The following ADCY2 variants were observed in gnomAD, a reference collection of about 807,000 sequenced individuals.
ADCY2 encodes adenylate cyclase 2.
Under a neutral mutation model 125.2 loss-of-function variants are expected in ADCY2, and 31 were observed. The observed-to-expected ratio is 0.25, with a 90% confidence interval of 0.19 to 0.33. ADCY2 has a LOEUF of 0.33. Among genes scored for constraint, ADCY2 ranks in the 10% least tolerant of loss-of-function variants. ADCY2 has a pLI of 1.00. For synonymous variants in ADCY2, 512 were observed against 548.4 expected (o/e 0.93, Z 0.93); for missense variants, 904 against 1,418.2 (o/e 0.64, Z 5.82).
chr5:7,421,744 C>A (rs1740213663), intron 2 of ADCY2, among the ~76,000 whole-genome samples: 1 of 152,156 alleles, frequency 6.6e-6, no homozygotes, highest in Admixed American at 6.5e-5. Flanking sequence ...GGAAATTGCT[C>A]TTGATGTTGA....
In ADCY2 at chr5:7,396,469, G is replaced by A; in HGVS notation, c.173G>A (p.Cys58Tyr). The A allele has an allele frequency of 6.4e-7, 1 of 1,571,426 alleles. No homozygotes were observed. The highest frequency in any genetic ancestry group is 8.6e-7 in the Non-Finnish European group (1 of 1,159,430). ...CTGCTGCTCATCGTCATGGGCTCCT[G>A]CCTCGCCCTGCTCGCCGTCTTCTTC... ...VFLLLIVMGS[C>Y]LALLAVFFAL... Residue 58 changes from cysteine to tyrosine, a missense_variant, in exon 1 of 25, where the codon TGC becomes TAC. By Grantham distance (194) the Cys-to-Tyr change is radical. This residue lies in a region of ADCY2 where 113 missense variants were observed against 108.0 expected (regional missense o/e 1.05). Coordinates refer to ENST00000338316, the MANE Select transcript of ADCY2 (RefSeq NM_020546.3). The surrounding 1 kb of genome is among the most constrained non-coding windows in gnomAD (Gnocchi z 5.7).
At chr5:7,688,011 T>C (rs1740574617) in intron 4 of ADCY2, among the ~76,000 whole-genome samples, 1 of 151,566 alleles carries the variant, frequency 6.6e-6, no homozygotes, top group Non-Finnish European at 1.5e-5. Flanking sequence ...CAAGCCAATC[T>C]TAAGACATCT....
At chr5:7,666,610 C>T (rs1423701911) in intron 4 of ADCY2, among the ~76,000 whole-genome samples, 2 of 152,160 alleles carry the variant, frequency 1.3e-5, no homozygotes, top group African/African-American at 4.8e-5. Context: ...TACTGAGATT[C>T]CCATACGTAA....
chr5:7,523,347 A>G (rs942576730), intron 3 of ADCY2, among the ~76,000 whole-genome samples: 3 of 151,866 alleles, frequency 2.0e-5, no homozygotes, highest in Admixed American at 6.6e-5. Context: ...GAAAGATGGA[A>G]TCTTAAATTT....
chr5:7,694,269 CT>C (rs1330783273), intron 5 of ADCY2, among the ~76,000 whole-genome samples: 2 of 152,188 alleles, frequency 1.3e-5, no homozygotes. Context: ...CTTTTTTTTA[CT>C]GTTGTAAAAT....
intron 2 of ADCY2, among the ~76,000 whole-genome samples, chr5:7,418,517 T>A (rs10061752): frequency 6.6e-6 from 1 of 151,848 alleles, no homozygotes; most frequent in African/African-American, 2.4e-5. Flanking sequence ...GACCGGCTCA[T>A]ACCCCTTGGA....
chr5:7,644,731 C>G (rs997735063), intron 4 of ADCY2, among the ~76,000 whole-genome samples: 1 of 152,074 alleles, frequency 6.6e-6, no homozygotes, highest in Admixed American at 6.6e-5. Flanking sequence ...CTTTCACTTT[C>G]TTTTCTTGTC....
intron 4 of ADCY2, chr5:7,654,197 G>A: frequency 2.2e-6 from 1 of 454,276 alleles, no homozygotes; most frequent in South Asian, 1.6e-5. Context: ...GGAAAGCCAG[G>A]TGAGCATGGT....
intron 2 of ADCY2, among the ~76,000 whole-genome samples, chr5:7,502,486 C>T (rs372792630): frequency 7.5e-4 from 115 of 152,346 alleles, no homozygotes; most frequent in African/African-American, 2.6e-3. Context: ...AGGCTTCAGG[C>T]TGCCACTTTC....
chr5:7,689,019 A>T (rs2914288), intron 4 of ADCY2, among the ~76,000 whole-genome samples: 7 of 152,038 alleles, frequency 4.6e-5, no homozygotes, highest in Non-Finnish European at 1.0e-4. Context: ...TTCTTTATAT[A>T]AAGATGATGA....
chr5:7,824,979 G>A (rs763006290), intron 24 of ADCY2, among the ~76,000 whole-genome samples: 3 of 152,146 alleles, frequency 2.0e-5, no homozygotes, highest in African/African-American at 2.4e-5. Context: ...CACCTTCCCC[G>A]GGACACACCA....
At chr5:7,683,515 G>A (rs1429358004) in intron 4 of ADCY2, among the ~76,000 whole-genome samples, 2 of 152,186 alleles carry the variant, frequency 1.3e-5, no homozygotes, top group Non-Finnish European at 2.9e-5. Context: ...CAGGCTCAAA[G>A]TCACTATCTG....
chr5:7,599,542 GTAGA>G (rs1486394905), intron 3 of ADCY2, among the ~76,000 whole-genome samples: 4 of 152,186 alleles, frequency 2.6e-5, no homozygotes, highest in African/African-American at 4.8e-5. Flanking sequence ...AGGCCACCAG[GTAGA>G]TAGCAGGCAG....
rs550087989 is a variant in ADCY2, at chr5:7,693,385, C to G, written c.870-2367C>G. Among the ~76,000 whole-genome samples the G allele has an allele frequency of 1.4e-3, 210 of 146,100 alleles. 1 individual carries two copies. The highest frequency in any genetic ancestry group is 2.3e-3 in the Non-Finnish European group (151 of 65,682). ...ACCGTAATGCTTTGCAGCTTTGTAC[C>G]TTGCATCACAATTGCCTGCTGTTTT... is the stretch of plus-strand genomic sequence containing the variant. On this transcript the variant is annotated intron_variant, in intron 5 of 24. Transcript: ENST00000338316.
At chr5:7,702,685 C>T (rs1741128629) in intron 7 of ADCY2, among the ~76,000 whole-genome samples, 1 of 152,172 alleles carries the variant, frequency 6.6e-6, no homozygotes. Flanking sequence ...CCACAGTAAA[C>T]ATACGTGTGC....
intron 23 of ADCY2, among the ~76,000 whole-genome samples, chr5:7,818,353 CTT>C (rs574092399): frequency 3.8e-4 from 54 of 141,142 alleles, no homozygotes; most frequent in African/African-American, 1.2e-3. Context: ...TTTTCTTTTT[CTT>C]TTTTTTTTTT....
At chr5:7,708,650 T>G (rs1741340938) in intron 9 of ADCY2, among the ~76,000 whole-genome samples, 1 of 152,174 alleles carries the variant, frequency 6.6e-6, no homozygotes, top group Admixed American at 6.5e-5. Context: ...AGATCAACTT[T>G]ATGGACATTT....
intron 2 of ADCY2, among the ~76,000 whole-genome samples, chr5:7,492,710 AG>A (rs1743206428): frequency 6.6e-6 from 1 of 151,584 alleles, no homozygotes; most frequent in Admixed American, 6.6e-5. Flanking sequence ...AGGTTAATGG[AG>A]TGACTTGCAG....
chr5:7,468,812 G>C (rs931207428), intron 2 of ADCY2, among the ~76,000 whole-genome samples: 6 of 152,124 alleles, frequency 3.9e-5, no homozygotes, highest in Non-Finnish European at 7.4e-5. Flanking sequence ...ATGTTTTCAA[G>C]TCATTGGAAA....
Sources: gnomAD v4.1 joint callset for allele counts (sites outside exome capture counted in the v4.1 genomes callset) on GRCh38, gnomAD v4.1.1 for gene constraint, gnomAD v4.1.1 regional missense constraint, Gnocchi (gnomAD v3.1) non-coding constraint, MANE v1.5 for transcripts, NCBI Gene and HGNC (gene_info 2026-07-23, HGNC 2026-07-21) for gene names.